Variants in BNIP5 observed in about 807,000 individuals in gnomAD.
The protein encoded by BNIP5 is BCL2 interacting protein 5, also known as protein BNIP5.
BNIP5 carries 61 observed loss-of-function variants against 67.3 expected under a neutral mutation model. The ratio of observed to expected loss-of-function variants is 0.91; its 90% CI spans 0.74 to 1.12. BNIP5 has a LOEUF of 1.12. Among genes scored for constraint, BNIP5 ranks in the 50% most tolerant of loss-of-function variants. The probability of loss-of-function intolerance (pLI) is 0.00; values close to 1 mark genes in which losing one functional copy is unlikely to be tolerated. For synonymous variants in BNIP5, 317 were observed against 319.0 expected (o/e 0.99, Z 0.07); for missense variants, 826 against 816.3 (o/e 1.01, Z -0.14).
chr6:36,323,371 C>G lies in BNIP5; in HGVS notation c.1393G>C (p.Glu465Gln). The change falls in exon 8 of 12, where the codon GAG becomes CAG. Residue 465 changes from glutamate to glutamine, a missense_variant. By Grantham distance (29) the Glu-to-Gln change is conservative. Coordinates refer to ENST00000437635, the MANE Select transcript of BNIP5 (RefSeq NM_001010903.5). ...CTGGGCCTCTTGGGTCGTCGGGCCT[C>G]TGGGCTGGCAGCCCCTGCTGCCCCC... is the stretch of plus-strand genomic sequence containing the variant. ...RAGAAGAASP[E>Q]ARRPKRPSFL... The G allele has an allele frequency of 1.2e-6, 2 of 1,614,290 alleles. No homozygotes were observed. Among genetic ancestry groups the G allele is most frequent in the Non-Finnish European group, 1.7e-6 (2 of 1,180,056 alleles).
intron 2 of BNIP5, 101 bp from the exon 3 acceptor site, chr6:36,328,815 A>G: frequency 2.5e-6 from 2 of 796,856 alleles, no homozygotes; most frequent in Non-Finnish European, 4.5e-6. Context: ...ACAGCACAGA[A>G]TTCACAGTGC....
intron 2 of BNIP5, among the ~76,000 whole-genome samples, chr6:36,329,841 GAAAGAGAGAAAGAAAGGAAAGAGA>G (rs1467481388): frequency 6.7e-6 from 1 of 149,676 alleles, no homozygotes; most frequent in South Asian, 2.1e-4. Flanking sequence ...GAGAGAGAGA[GAAAGAGAGAAAGAAAGGAAAGAGA>G]AAAGAGAGAA....
intron 10 of BNIP5, among the ~76,000 whole-genome samples, chr6:36,320,158 T>C (rs571495071): frequency 1.3e-5 from 2 of 152,324 alleles, no homozygotes. Flanking sequence ...CAAGCTCCTT[T>C]CTCTTAATAA....
At chr6:36,332,842 G>C (rs1771937269) in intron 1 of BNIP5, among the ~76,000 whole-genome samples, 1 of 152,192 alleles carries the variant, frequency 6.6e-6, no homozygotes, top group Admixed American at 6.5e-5. Context: ...CTTCCCTTCA[G>C]TGGAAGGTAA....
intron 2 of BNIP5, 130 bp downstream of exon 2, chr6:36,329,951 A>T (rs1351870980): frequency 1.1e-6 from 1 of 948,364 alleles, no homozygotes; most frequent in Non-Finnish European, 1.6e-6. Context: ...GGAGGAAGGA[A>T]GGAAGGAAGT....
At chr6:36,326,476 C>T (rs1291748169) in intron 5 of BNIP5, 34 bp downstream of exon 5, 1 of 1,612,062 alleles carries the variant, frequency 6.2e-7, no homozygotes, top group Non-Finnish European at 8.5e-7. Context: ...GAGGCAGCTG[C>T]AGGGTTGCTA....
intron 10 of BNIP5, 146 bp downstream of exon 10, chr6:36,321,009 T>C: frequency 1.3e-5 from 8 of 610,720 alleles, no homozygotes; most frequent in Non-Finnish European, 2.3e-5. Flanking sequence ...TAGGTAATTC[T>C]CTCTCATTTT....
chr6:36,320,194 C>G (rs1364169698), intron 10 of BNIP5, among the ~76,000 whole-genome samples: 34 of 152,152 alleles, frequency 2.2e-4, no homozygotes, highest in Non-Finnish European at 4.4e-5. Flanking sequence ...AGAGGCAGAC[C>G]CAGACACAAG....
chr6:36,322,458 AGTT>A lies in BNIP5; in HGVS notation c.1472-19_1472-17del, dbSNP rs771054209. 3.1e-6 allele frequency: 5 copies of A among 1,609,382 alleles called. No individual in the cohort carries two copies. Among genetic ancestry groups the A allele is most frequent in the Non-Finnish European group, 8.5e-7 (1 of 1,177,966 alleles). On this transcript the variant is annotated splice_polypyrimidine_tract_variant and intron_variant, in intron 8 of 11. Coordinates refer to ENST00000437635, the MANE Select transcript of BNIP5 (RefSeq NM_001010903.5). ...TCTTCTGGATCTAGGGCAAAAAAAG[AGTT>A]GTTGAGTGTTTTGCAGAGAGCTGAA...
At chr6:36,328,517 T>C in intron 3 of BNIP5, 81 bp downstream of exon 3, 1 of 859,756 alleles carries the variant, frequency 1.2e-6, no homozygotes, top group African/African-American at 1.6e-5. Context: ...AAGGTCTCAG[T>C]AATCATTCAG....
intron 1 of BNIP5, among the ~76,000 whole-genome samples, chr6:36,334,085 A>C (rs919782164): frequency 6.6e-6 from 1 of 152,236 alleles, no homozygotes; most frequent in Non-Finnish European, 1.5e-5. Context: ...GCCATTGCCA[A>C]TGGCAGCAGT....
intron 9 of BNIP5, 84 bp from the exon 10 acceptor site, chr6:36,321,303 A>G: frequency 1.1e-6 from 1 of 923,474 alleles, no homozygotes; most frequent in Non-Finnish European, 1.7e-6. Context: ...GCAACAATAC[A>G]TCCACCTGTG....
chr6:36,335,947 A>C lies in BNIP5; in HGVS notation c.-5+765T>G, dbSNP rs575861247. Among the ~76,000 whole-genome samples the C allele has an allele frequency of 3.9e-5, 6 of 152,328 alleles. No individual in the cohort carries two copies. The South Asian group carries it at 6.2e-4, about 16-fold the overall frequency. ...CCTGCTATTTCACACTGATGGAGGT[A>C]ATCACAGTCACATACACACCTACCA... is the stretch of plus-strand genomic sequence containing the variant. On this transcript the variant is annotated intron_variant, in intron 1 of 11. Transcript: ENST00000437635.
rs1285550846 is a variant in BNIP5 at position 36,319,347 on chromosome 6, C to G, written c.1923+9G>C. ...CTACATTGCCATTGTCTTCCCCGCC[C>G]TCTCTCACCGGCTGGTCCTCCCTGT... On this transcript the variant is annotated intron_variant, in intron 11 of 11. Transcript: ENST00000437635. 1.9e-6 allele frequency: 3 copies of G among 1,612,734 alleles called. No individual in the cohort carries two copies. The highest frequency in any genetic ancestry group is 2.5e-6 in the Non-Finnish European group (3 of 1,179,266).
Position 36,330,539 on chromosome 6 carries a change from G to A in BNIP5, c.152C>T (p.Thr51Met), listed in dbSNP as rs74561471. The change falls in exon 2 of 12, where the codon ACG becomes ATG. Residue 51 changes from threonine (T) to methionine (M), a missense_variant. Physicochemically the swap from Thr to Met is moderately conservative, Grantham distance 81. Coordinates refer to ENST00000437635, the MANE Select transcript of BNIP5 (RefSeq NM_001010903.5). ...TAPSRKALHW[T>M]TSDWARHSDS... ...TGAATGTCTGGCCCAATCACTGGTCGTCCAGTGAAGCGCCTTCCTGGAGGG... is the reference window on the plus strand; with the variant it reads ...TGAATGTCTGGCCCAATCACTGGTCATCCAGTGAAGCGCCTTCCTGGAGGG... 3.6e-3 allele frequency: 5,738 copies of A among 1,613,986 alleles called. 16 individuals are homozygous for A. The highest frequency in any genetic ancestry group is 4.4e-3 in the Non-Finnish European group (5,224 of 1,180,006).
intron 1 of BNIP5, among the ~76,000 whole-genome samples, chr6:36,334,075 G>A (rs973778399): frequency 1.3e-5 from 2 of 152,196 alleles, no homozygotes; most frequent in African/African-American, 2.4e-5. Context: ...AACGGTTTTC[G>A]CCATTGCCAA....
chr6:36,326,596 G>A lies in BNIP5; in HGVS notation c.950C>T (p.Ser317Phe), dbSNP rs998513020. The A allele has an allele frequency of 6.2e-7, 1 of 1,614,234 alleles. No individual in the cohort carries two copies. Reference protein sequence around the residue: ...EEAKRGAADVSSPEAWPPKKS... With the variant: ...EEAKRGAADVFSPEAWPPKKS... ...CTTGGGTGGCCAGGCCTCTGGACTG[G>A]AAACATCTGCAGCCCCCCTCTTGGC... The change falls in exon 5 of 12, where the codon TCC becomes TTC. Residue 317 changes from serine (S) to phenylalanine (F), a missense_variant. Coordinates refer to ENST00000437635, the MANE Select transcript of BNIP5 (RefSeq NM_001010903.5).
In BNIP5 at chr6:36,328,723, G is replaced by C. The variant is rs1771818294; in HGVS notation, c.611-9C>G. On this transcript the variant is annotated splice_polypyrimidine_tract_variant and intron_variant, in intron 2 of 11. Transcript: ENST00000437635. ...ATCAGAATCTTCCCCACCTGGAATA[G>C]AGACGAAAGCAAACGGGTATGTAGG... is the stretch of plus-strand genomic sequence containing the variant. 6.3e-7 allele frequency: 1 copy of C among 1,576,262 alleles called. No homozygotes were observed. The highest frequency in any genetic ancestry group is 1.7e-5 in the Admixed American group (1 of 59,990).
At position 36,316,593 on chromosome 6, in the gene BNIP5, T is replaced by G. The variant is rs1232297367; in HGVS notation, c.*763A>C. On this transcript the variant is annotated 3_prime_UTR_variant, in exon 12 of 12. Transcript: ENST00000437635. ...CCAGCCCATTGAAGCCCTCCTCCAC[T>G]TCCTGAAAACTACCCAAAAGAAGCT... 2.5e-6 allele frequency: 1 copy of G among 398,720 alleles called. No individual in the cohort carries two copies. The highest frequency in any genetic ancestry group is 3.6e-5 in the East Asian group (1 of 28,080). The allele number at this position is 398,720 out of a possible 1,614,324, so 24.7% of individuals were successfully genotyped here. A position where few individuals can be genotyped will look rare whatever the true frequency, so the allele number is the denominator to read the frequency against.
Sources: allele counts gnomAD v4.1 joint callset (sites outside exome capture counted in the v4.1 genomes callset), GRCh38; gene constraint gnomAD v4.1.1; transcripts MANE v1.5; gene names NCBI Gene and HGNC (gene_info 2026-07-23, HGNC 2026-07-21).